STT3A: variants seen among roughly 807,000 people sequenced by gnomAD.
The protein encoded by STT3A is dolichyl-diphosphooligosaccharide--protein glycosyltransferase subunit STT3A.
STT3A carries 34 observed loss-of-function variants against 89.2 expected under a neutral mutation model. The ratio of observed to expected loss-of-function variants is 0.38; its 90% CI spans 0.29 to 0.51. The LOEUF (loss-of-function observed/expected upper bound fraction) is 0.51, where lower values mean the gene tolerates loss of function less well. Ranked by LOEUF, STT3A falls within the 20% of genes least tolerant of loss-of-function variation. STT3A has a pLI of 0.89. For missense variants in STT3A, 555 were observed against 889.5 expected, an observed-to-expected ratio of 0.62 and a Z score of 4.78; for synonymous variants, 282 against 310.3, an observed-to-expected ratio of 0.91 and a Z score of 0.96.
intron 17 of STT3A, 124 bp from the exon 18 acceptor site, chr11:125,620,648 C>A (rs1460403736): frequency 2.1e-5 from 17 of 815,132 alleles, no homozygotes; most frequent in Non-Finnish European, 3.4e-5. Context: ...TGTGTATTCA[C>A]AGCCCTAAAC....
intron 2 of STT3A, 85 bp from the exon 3 acceptor site, chr11:125,596,974 A>G: frequency 7.0e-7 from 1 of 1,429,968 alleles, no homozygotes; most frequent in Non-Finnish European, 9.9e-7. Context: ...TCTCTACTGG[A>G]TAATACTGTC....
intron 10 of STT3A, 158 bp from the exon 11 acceptor site, chr11:125,611,270 T>G (rs1302505612): frequency 1.7e-6 from 1 of 602,266 alleles, no homozygotes; most frequent in African/African-American, 1.8e-5. Context: ...GTAAACATCT[T>G]TGCATGTTTC....
chr11:125,609,682 CT>C (rs1939946142), intron 10 of STT3A, 93 bp downstream of exon 10: 5 of 1,504,800 alleles, frequency 3.3e-6, no homozygotes, highest in East Asian at 2.3e-5. Context: ...TTTTGTTTTT[CT>C]TTGCCTGTTT....
rs746136300 is a variant in STT3A at position 125,605,580 on chromosome 11, CT to C, written c.509-48del. ...TGTTCCAGAACAGTATTCTTAATGACTATACTAGCCTGGCCTCTTGTTGAAT... is the reference window on the plus strand; with the variant it reads ...TGTTCCAGAACAGTATTCTTAATGACATACTAGCCTGGCCTCTTGTTGAAT... On this transcript the variant is annotated intron_variant, in intron 6 of 17. Coordinates refer to ENST00000392708, the MANE Select transcript of STT3A (RefSeq NM_152713.5). 24 of 1,373,288 alleles carry C rather than the reference CT, an allele frequency of 1.7e-5. No homozygotes were observed. In the East Asian group the frequency reaches 5.1e-4, roughly 29 times the overall value. 85.1% of individuals were successfully genotyped at this position (1,373,288 alleles called of 1,614,324 possible). A position where few individuals can be genotyped will look rare whatever the true frequency, so the allele number is the denominator to read the frequency against.
At chr11:125,605,481 A>G (rs1033617899) in intron 6 of STT3A, 148 bp from the exon 7 acceptor site, 4 of 542,960 alleles carry the variant, frequency 7.4e-6, no homozygotes, top group East Asian at 5.8e-5. Flanking sequence ...TTCTTCTTAC[A>G]TGAAACTGAA....
intron 3 of STT3A, among the ~76,000 whole-genome samples, chr11:125,598,530 A>G (rs1939568086): frequency 6.6e-6 from 1 of 152,206 alleles, no homozygotes; most frequent in Admixed American, 6.5e-5. Flanking sequence ...TTTTGGAGGC[A>G]TTACAAATAA....
intron 11 of STT3A, among the ~76,000 whole-genome samples, chr11:125,612,022 C>T (rs1038549248): frequency 1.1e-4 from 17 of 151,864 alleles, no homozygotes; most frequent in East Asian, 5.8e-4. Context: ...GGATTACTGG[C>T]ATGCACCACC....
Position 125,618,413 on chromosome 11 carries a change from C to T in STT3A, c.1815C>T (p.Ser605=), listed in dbSNP as rs1429870385. Residue 605 remains serine, a synonymous_variant, in exon 16 of 18, where the codon AGC becomes AGT. Transcript: ENST00000392708. ...KFLWMVRIGG[S]TDTGKHIKEN... is the part of the protein sequence containing the mutation. ...TTTGGATGGTCCGGATTGGAGGGAG[C>T]ACAGATACAGGCAAACATATCAAGG... The T allele has an allele frequency of 1.9e-6, 3 of 1,612,722 alleles. No homozygotes were observed. Among genetic ancestry groups the T allele is most frequent in the Admixed American group, 1.7e-5 (1 of 59,826 alleles).
chr11:125,605,790 T>G, intron 7 of STT3A, 55 bp downstream of exon 7: 1 of 1,432,768 alleles, frequency 7.0e-7, no homozygotes, highest in Non-Finnish European at 9.7e-7. Context: ...CTGTATTTCC[T>G]ATGGGTACTT....
chr11:125,619,484 C>T (rs980464679), intron 16 of STT3A, among the ~76,000 whole-genome samples: 21 of 152,072 alleles, frequency 1.4e-4, no homozygotes, highest in African/African-American at 4.3e-4. Context: ...TGCTTTTGAC[C>T]GTTACTTTTT....
At position 125,602,407 on chromosome 11, in the gene STT3A, GA is replaced by G. The variant is rs764640578; in HGVS notation, c.255del (p.Gly86GlufsTer7). The G allele has an allele frequency of 6.2e-7, 1 of 1,609,962 alleles. No individual in the cohort carries two copies. The highest frequency in any genetic ancestry group is 8.5e-7 in the Non-Finnish European group (1 of 1,178,520). On this transcript the variant is annotated frameshift_variant, in exon 4 of 18. Coordinates refer to ENST00000392708, the MANE Select transcript of STT3A (RefSeq NM_152713.5). LOFTEE classifies it high-confidence loss of function. ...TGGTACCCTTTGGGACGAATCATTG[GA>G]GGAACAATTTACCCAGGTGAGGAGA... The part of the protein sequence containing the change: ...RAWYPLGRII[G>X]GTIYPGLMIT...
chr11:125,607,348 T>C (rs1939870210), intron 8 of STT3A, among the ~76,000 whole-genome samples: 1 of 152,240 alleles, frequency 6.6e-6, no homozygotes, highest in Non-Finnish European at 1.5e-5. Context: ...TATAACCCAA[T>C]CATAAGTTGA....
rs1408999815 is a variant in STT3A at position 125,622,419 on chromosome 11, G to A, written c.*1609G>A. On this transcript the variant is annotated 3_prime_UTR_variant, in exon 18 of 18. Coordinates refer to ENST00000392708, the MANE Select transcript of STT3A (RefSeq NM_152713.5). ...TTATTTATCAATATGATTAATACCA[G>A]TTAGAAATTATTAATGATCTTCCTT... 6.6e-6 allele frequency: 1 copy of A among 152,206 alleles called. No individual in the cohort carries two copies. The highest frequency in any genetic ancestry group is 1.5e-5 in the Non-Finnish European group (1 of 68,040). The allele number at this position is 152,206 out of a possible 1,614,324, so 9.4% of individuals were successfully genotyped here.
At chr11:125,600,487 G>C (rs1043106608) in intron 3 of STT3A, among the ~76,000 whole-genome samples, 1 of 151,932 alleles carries the variant, frequency 6.6e-6, no homozygotes, top group Non-Finnish European at 1.5e-5. Context: ...TCAGCCTCCT[G>C]AGTAGCTGGG....
intron 3 of STT3A, among the ~76,000 whole-genome samples, chr11:125,600,323 T>G (rs1214897173): frequency 6.6e-6 from 1 of 152,074 alleles, no homozygotes; most frequent in Non-Finnish European, 1.5e-5. Context: ...GTGCTGAGAT[T>G]ACAGGAGTGA....
chr11:125,592,976 G>A (rs899213703), intron 1 of STT3A, 58 bp downstream of exon 1: 2 of 163,350 alleles, frequency 1.2e-5, no homozygotes, highest in African/African-American at 4.8e-5. Context: ...CCATGGCGTT[G>A]ATGGGGCTGA....
At chr11:125,598,884 AG>A (rs1939583293) in intron 3 of STT3A, among the ~76,000 whole-genome samples, 1 of 152,230 alleles carries the variant, frequency 6.6e-6, no homozygotes, top group Non-Finnish European at 1.5e-5. Context: ...CTGGCATTAC[AG>A]GTATGGGCTT....
In STT3A at chr11:125,613,890, C is replaced by A; in HGVS notation, c.1555-197C>A. 1 of 547,046 alleles carries A rather than the reference C, an allele frequency of 1.8e-6. No homozygotes were observed. The allele number at this position is 547,046 out of a possible 1,614,324, so 33.9% of individuals were successfully genotyped here. On this transcript the variant is annotated intron_variant, in intron 13 of 17. Transcript: ENST00000392708. This position sits in a 1 kb window ranked among gnomAD's most constrained non-coding sequence, Gnocchi z 4.2. ...TGGGAATGTTGGTTTGTTATTTGTG[C>A]TGAGATTTTATAATTGTATATAAAT...
At chr11:125,606,717 A>G (rs1939851463) in intron 8 of STT3A, among the ~76,000 whole-genome samples, 2 of 151,978 alleles carry the variant, frequency 1.3e-5, no homozygotes, top group Admixed American at 1.3e-4. Context: ...AAGGGGAGGG[A>G]TATTTAGTTG....
Sources: gnomAD v4.1 joint callset for allele counts (sites outside exome capture counted in the v4.1 genomes callset) on GRCh38, gnomAD v4.1.1 for gene constraint, Gnocchi (gnomAD v3.1) non-coding constraint, MANE v1.5 for transcripts, NCBI Gene and HGNC (gene_info 2026-07-23, HGNC 2026-07-21) for gene names.